The following PRAG1 variants were observed in gnomAD, a reference collection of about 807,000 sequenced individuals.
PRAG1 encodes inactive tyrosine-protein kinase PRAG1.
A neutral mutation model predicts 95.6 loss-of-function variants in PRAG1; 110 were observed. The ratio of observed to expected loss-of-function variants is 1.15; its 90% CI spans 0.99 to 1.35. PRAG1 has a LOEUF of 1.35. Ranked by LOEUF, PRAG1 falls within the 40% of genes most tolerant of loss-of-function variation. The pLI, the probability that PRAG1 is intolerant of heterozygous loss-of-function variation, is 0.00. For missense variants in PRAG1, 2,554 were observed against 1,864.7 expected (o/e 1.37, Z -6.81); for synonymous variants, 1,052 against 819.4 (o/e 1.28, Z -4.85).
chr8:8,323,617 C>T (rs752352675), intron 5 of PRAG1, among the ~76,000 whole-genome samples: 1 of 152,168 alleles, frequency 6.6e-6, no homozygotes, highest in Non-Finnish European at 1.5e-5. Context: ...AGCCACTGCA[C>T]CTGGCTGCTT....
chr8:8,346,481 C>T (rs958785823), intron 3 of PRAG1, among the ~76,000 whole-genome samples: 2 of 152,180 alleles, frequency 1.3e-5, no homozygotes, highest in Non-Finnish European at 2.9e-5. Flanking sequence ...CAGCTGCTGC[C>T]CAGTGTTTTG....
chr8:8,380,395 T>C (rs1472291107), intron 2 of PRAG1, among the ~76,000 whole-genome samples: 2 of 151,270 alleles, frequency 1.3e-5, no homozygotes, highest in South Asian at 2.1e-4. Context: ...GGTCAGGAGT[T>C]AGAGACCAGA....
chr8:8,341,562 A>G (rs1463492403), intron 3 of PRAG1, among the ~76,000 whole-genome samples: 2 of 152,160 alleles, frequency 1.3e-5, no homozygotes, highest in Non-Finnish European at 2.9e-5. Flanking sequence ...ATTTTTGGCT[A>G]TTAGGGTTTA....
intron 3 of PRAG1, among the ~76,000 whole-genome samples, chr8:8,371,949 A>G (rs1800223729): frequency 6.6e-6 from 1 of 152,194 alleles, no homozygotes; most frequent in Non-Finnish European, 1.5e-5. Context: ...GGGCCAGACC[A>G]TTTAGACACT....
At chr8:8,335,698 G>C (rs1798963611) in intron 4 of PRAG1, among the ~76,000 whole-genome samples, 1 of 151,920 alleles carries the variant, frequency 6.6e-6, no homozygotes, top group Admixed American at 6.6e-5. Flanking sequence ...TTTTCCTTTG[G>C]AGCACTTCCA....
rs773864921 is a variant in PRAG1, at chr8:8,376,680, T to C, written c.1729A>G (p.Ser577Gly). The C allele has an allele frequency of 6.2e-7, 1 of 1,611,470 alleles. No individual in the cohort carries two copies. The highest frequency in any genetic ancestry group is 1.7e-5 in the Admixed American group (1 of 59,932). Residue 577 changes from serine to glycine, a missense_variant, in exon 3 of 6, where the codon AGC becomes GGC. By Grantham distance (56) the Ser-to-Gly change is moderately conservative. Coordinates refer to ENST00000615670, the MANE Select transcript of PRAG1 (RefSeq NM_001080826.3). ...VSPLADLSDG[S>G]SGGSSIGPQP... ...GGCCCAATGCTGCTGCCGCCAGAGCTCCCATCACTAAGGTCAGCCAGCGGT... is the reference window on the plus strand; with the variant it reads ...GGCCCAATGCTGCTGCCGCCAGAGCCCCCATCACTAAGGTCAGCCAGCGGT...
rs1187098932 is a variant in PRAG1 at position 8,339,606 on chromosome 8, G to A, written c.2192C>T (p.Ser731Phe). The change falls in exon 4 of 6, where the codon TCT (serine) becomes TTT (phenylalanine). Residue 731 changes from serine (S) to phenylalanine (F), a missense_variant. By Grantham distance (155) the Ser-to-Phe change is radical. Coordinates refer to ENST00000615670, the MANE Select transcript of PRAG1 (RefSeq NM_001080826.3). ...RHLLKMNKSS[S>F]DLEKVSQGSA... ...GCCCTGGCTCACTTTTTCCAAATCA[G>A]AGCTGCTCTTGTTCATTTTTAGAAG... is the stretch of plus-strand genomic sequence containing the variant. 1 of 1,613,274 alleles carries A rather than the reference G, an allele frequency of 6.2e-7. No individual in the cohort carries two copies. The highest frequency in any genetic ancestry group is 2.2e-5 in the East Asian group (1 of 44,830).
At chr8:8,343,373 G>C (rs928231448) in intron 3 of PRAG1, among the ~76,000 whole-genome samples, 1 of 152,122 alleles carries the variant, frequency 6.6e-6, no homozygotes, top group African/African-American at 2.4e-5. Flanking sequence ...CTCCATTTTT[G>C]GGTATATGTC....
At position 8,377,171 on chromosome 8, in the gene PRAG1, T is replaced by C; in HGVS notation, c.1238A>G (p.Tyr413Cys). The C allele has an allele frequency of 6.2e-7, 1 of 1,611,878 alleles. No homozygotes were observed. Among genetic ancestry groups the C allele is most frequent in the Non-Finnish European group, 8.5e-7 (1 of 1,179,836 alleles). ...CTTCTTCCTCTTGGTGCTCTCAGCA[T>C]AGATGGGTTCAGGCTGTGTAGCCTC... ...PREATQPEPI[Y>C]AESTKRKKAA... The change falls in exon 3 of 6, where the codon TAT becomes TGT. Residue 413 changes from tyrosine (Y) to cysteine (C), a missense_variant. Transcript: ENST00000615670.
rs1800677714 is a variant in PRAG1 at position 8,381,678 on chromosome 8, T to G, written c.70A>C (p.Ile24Leu). ...MSACSDFVEH[I>L]WKPGSCKNCF... Reference sequence around the variant, plus strand: ...TTCTTGCAGGACCCGGGTTTCCAGATGTGCTCCACAAAGTCACTGCACGCA... The same window carrying G: ...TTCTTGCAGGACCCGGGTTTCCAGAGGTGCTCCACAAAGTCACTGCACGCA... The change falls in exon 2 of 6, where the codon ATC becomes CTC. Residue 24 changes from isoleucine to leucine, a missense_variant. Transcript: ENST00000615670. The G allele has an allele frequency of 1.2e-6, 2 of 1,613,454 alleles. No individual in the cohort carries two copies. Among genetic ancestry groups the G allele is most frequent in the East Asian group, 4.5e-5 (2 of 44,846 alleles).
chr8:8,342,354 C>A (rs959494555), intron 3 of PRAG1, among the ~76,000 whole-genome samples: 4 of 151,630 alleles, frequency 2.6e-5, no homozygotes, highest in Non-Finnish European at 5.9e-5. Flanking sequence ...CACCACCACG[C>A]CCCGCTAATT....
chr8:8,326,022 G>C (rs1042209724), intron 5 of PRAG1, among the ~76,000 whole-genome samples: 5 of 150,460 alleles, frequency 3.3e-5, no homozygotes, highest in African/African-American at 1.2e-4. Context: ...GAGGAATTCA[G>C]TGTCTTCCAC....
chr8:8,356,108 G>A (rs574231019), intron 3 of PRAG1, among the ~76,000 whole-genome samples: 1 of 152,178 alleles, frequency 6.6e-6, no homozygotes, highest in South Asian at 2.1e-4. Flanking sequence ...CTAAAATATG[G>A]GCAAAGGATC....
At chr8:8,331,950 A>T (rs1798833524) in intron 4 of PRAG1, among the ~76,000 whole-genome samples, 1 of 152,154 alleles carries the variant, frequency 6.6e-6, no homozygotes, top group Non-Finnish European at 1.5e-5. Flanking sequence ...TTTGTTTCTT[A>T]GATGCTATGA....
intron 3 of PRAG1, among the ~76,000 whole-genome samples, chr8:8,368,541 T>C (rs1251329239): frequency 1.3e-5 from 2 of 152,182 alleles, no homozygotes; most frequent in Non-Finnish European, 2.9e-5. Flanking sequence ...TCAACCCTGA[T>C]AGAAGGAAAC....
chr8:8,354,182 G>C (rs946811164), intron 3 of PRAG1, among the ~76,000 whole-genome samples: 3 of 152,068 alleles, frequency 2.0e-5, no homozygotes, highest in African/African-American at 7.2e-5. Context: ...GGATGACAGA[G>C]AGAAAATGGA....
At chr8:8,352,202 T>C (rs554003384) in intron 3 of PRAG1, among the ~76,000 whole-genome samples, 1 of 152,308 alleles carries the variant, frequency 6.6e-6, no homozygotes, top group African/African-American at 2.4e-5. Context: ...TTCTTCACGC[T>C]GGGGCAGCCT....
At position 8,376,879 on chromosome 8, in the gene PRAG1, G is replaced by A. The variant is rs200101338; in HGVS notation, c.1530C>T (p.Ser510=). 899 of 1,613,068 alleles carry A rather than the reference G, an allele frequency of 5.6e-4. No homozygotes were observed. The highest frequency in any genetic ancestry group is 7.1e-4 in the Non-Finnish European group (840 of 1,180,024). Residue 510 remains serine, a synonymous_variant, in exon 3 of 6, where the codon TCC becomes TCT. Coordinates refer to ENST00000615670, the MANE Select transcript of PRAG1 (RefSeq NM_001080826.3). The part of the protein sequence containing the change: ...QWPRGPVSQN[S]EVGEEETSAG... ...CCGAAGTCTCCTCTTCACCTACCTCGGAGTTCTGGCTCACAGGCCCTCGTG... is the reference window on the plus strand; with the variant it reads ...CCGAAGTCTCCTCTTCACCTACCTCAGAGTTCTGGCTCACAGGCCCTCGTG...
At chr8:8,339,711 C>T in intron 3 of PRAG1, 76 bp from the exon 4 acceptor site, 2 of 1,444,970 alleles carry the variant, frequency 1.4e-6, no homozygotes, top group Admixed American at 3.9e-5. Flanking sequence ...GGATCATGAA[C>T]TTACCATGCT....
Sources: gnomAD v4.1 joint callset for allele counts (sites outside exome capture counted in the v4.1 genomes callset) on GRCh38, gnomAD v4.1.1 for gene constraint, MANE v1.5 for transcripts, NCBI Gene and HGNC (gene_info 2026-07-23, HGNC 2026-07-21) for gene names.